Variants in MYO5B observed in about 807,000 individuals in gnomAD.
MYO5B encodes the protein myosin VB.
MYO5B carries 143 observed loss-of-function variants against 229.3 expected under a neutral mutation model. The ratio of observed to expected loss-of-function variants is 0.62; its 90% CI spans 0.54 to 0.72. The LOEUF is 0.72. MYO5B is among the 30% of genes least tolerant of loss of function. MYO5B has a pLI of 0.00. For missense variants in MYO5B, 2,321 were observed against 2,331.0 expected (o/e 1.00, Z 0.09); for synonymous variants, 918 against 885.2 (o/e 1.04, Z -0.66).
At chr18:49,920,139 G>A (rs182096103) in intron 17 of MYO5B, among the ~76,000 whole-genome samples, 23 of 152,298 alleles carry the variant, frequency 1.5e-4, no homozygotes, top group Non-Finnish European at 3.1e-4. Flanking sequence ...GTAGGTTAGC[G>A]CTTGCCAGGG....
At chr18:50,011,871 G>A (rs551248093) in intron 4 of MYO5B, among the ~76,000 whole-genome samples, 74 of 152,058 alleles carry the variant, frequency 4.9e-4, no homozygotes, top group African/African-American at 1.5e-3. Flanking sequence ...CCTGTAGTAC[G>A]GTGGGTATAG....
Position 49,897,341 on chromosome 18 carries a change from G to A in MYO5B, c.2812-2167C>T, listed in dbSNP as rs1272754188. ...AGACCTTCCAGTGGAACAAGATATG[G>A]AGGTGGAAGGCAGTGATACTGACGA... On this transcript the variant is annotated intron_variant, in intron 21 of 39. Transcript: ENST00000285039. Among the ~76,000 whole-genome samples the A allele has an allele frequency of 5.3e-5, 8 of 152,206 alleles. No individual in the cohort carries two copies. In the East Asian group the frequency reaches 1.5e-3, roughly 29 times the overall value.
rs560075014 is a variant in MYO5B, at chr18:49,906,606, G to A, written c.2227C>T (p.Arg743Cys). 34 of 1,614,014 alleles carry A rather than the reference G, an allele frequency of 2.1e-5. No homozygotes were observed. The highest frequency in any genetic ancestry group is 2.0e-4 in the South Asian group (18 of 91,072). ...CCTGCTCGAAAGAAGATCTTGGTGCGGCCAAACTGGAACTTGTCGGGGTCC... is the reference window on the plus strand; with the variant it reads ...CCTGCTCGAAAGAAGATCTTGGTGCAGCCAAACTGGAACTTGTCGGGGTCC... The part of the protein sequence containing the change: ...IKDPDKFQFG[R>C]TKIFFRAGQV... Residue 743 changes from arginine (R) to cysteine (C), a missense_variant, in exon 19 of 40, where the codon CGC becomes TGC. Arg to Cys is a radical substitution (Grantham distance 180). Around this residue, in one of 2 missense-constraint regions of MYO5B, gnomAD observed 2,113 missense variants for 2,044.7 expected, o/e 1.03. Coordinates refer to ENST00000285039, the MANE Select transcript of MYO5B (RefSeq NM_001080467.3).
chr18:49,911,833 T>A (rs1190554693), intron 18 of MYO5B, among the ~76,000 whole-genome samples: 1 of 152,120 alleles, frequency 6.6e-6, no homozygotes, highest in Non-Finnish European at 1.5e-5. Context: ...GCCACAGAAT[T>A]CCATTTTCTA....
intron 1 of MYO5B, among the ~76,000 whole-genome samples, chr18:50,137,614 A>G (rs2032354991): frequency 6.6e-6 from 1 of 152,206 alleles, no homozygotes. Context: ...CATTCAACTC[A>G]GCAATCCCAC....
At chr18:49,829,843 C>A (rs1488697875) in intron 39 of MYO5B, among the ~76,000 whole-genome samples, 1 of 152,056 alleles carries the variant, frequency 6.6e-6, no homozygotes, top group Non-Finnish European at 1.5e-5. Context: ...GAGGAAAAAA[C>A]CCACATCATC....
intron 1 of MYO5B, among the ~76,000 whole-genome samples, chr18:50,117,741 G>A (rs570970639): frequency 6.6e-6 from 1 of 152,208 alleles, no homozygotes; most frequent in South Asian, 2.1e-4. Context: ...TCCCAGCTTC[G>A]GCTCACAAAT....
Position 49,867,921 on chromosome 18 carries a change from C to T in MYO5B, c.3604-3541G>A, listed in dbSNP as rs530894825. Among the ~76,000 whole-genome samples, 5 of 152,274 alleles carry T rather than the reference C, an allele frequency of 3.3e-5. No individual in the cohort carries two copies. In the South Asian group the frequency reaches 1.0e-3, roughly 32 times the overall value. On this transcript the variant is annotated intron_variant, in intron 27 of 39. Coordinates refer to ENST00000285039, the MANE Select transcript of MYO5B (RefSeq NM_001080467.3). ...TTAATAAAATGGACAGTCCAGTTCTCTCTCAGAAAAAGCCTAGTTTCATCA... is the reference window on the plus strand; with the variant it reads ...TTAATAAAATGGACAGTCCAGTTCTTTCTCAGAAAAAGCCTAGTTTCATCA...
rs529710664 is a variant in MYO5B at position 50,009,327 on chromosome 18, G to A, written c.456-7916C>T. ...CGGGAGGCGGAGGTTGCAGTGAGCC[G>A]AGATTGCACCACTGCACTCCAGCCT... On this transcript the variant is annotated intron_variant, in intron 4 of 39. Transcript: ENST00000285039. Among the ~76,000 whole-genome samples, 14 of 152,264 alleles carry A rather than the reference G, an allele frequency of 9.2e-5. No homozygotes were observed. In the East Asian group the frequency reaches 2.1e-3, roughly 23 times the overall value.
At chr18:49,942,300 C>T (rs2025322747) in intron 14 of MYO5B, among the ~76,000 whole-genome samples, 1 of 147,912 alleles carries the variant, frequency 6.8e-6, no homozygotes, top group African/African-American at 2.5e-5. Context: ...GTCTAAAACA[C>T]CAAAAGCAAT....
intron 1 of MYO5B, among the ~76,000 whole-genome samples, chr18:50,093,382 C>T (rs2031489202): frequency 6.6e-6 from 1 of 152,150 alleles, no homozygotes. Flanking sequence ...GTAACACTAG[C>T]TTGAGGATGG....
intron 1 of MYO5B, among the ~76,000 whole-genome samples, chr18:50,081,247 A>T (rs894791438): frequency 6.6e-6 from 1 of 152,162 alleles, no homozygotes; most frequent in Non-Finnish European, 1.5e-5. Flanking sequence ...TCCTAAAGTC[A>T]CCAGAGGATT....
chr18:49,853,851 G>A (rs180977959), intron 30 of MYO5B, among the ~76,000 whole-genome samples: 16 of 152,258 alleles, frequency 1.1e-4, no homozygotes, highest in South Asian at 2.1e-4. Flanking sequence ...CAGATGATGG[G>A]AAACCAAGGC....
intron 10 of MYO5B, among the ~76,000 whole-genome samples, chr18:49,963,411 A>G: frequency 6.7e-6 from 1 of 148,476 alleles, no homozygotes; most frequent in East Asian, 1.9e-4. Context: ...TTAATTAATT[A>G]ATTAATTTAT....
At chr18:50,063,395 G>T (rs888855026) in intron 1 of MYO5B, among the ~76,000 whole-genome samples, 1 of 152,140 alleles carries the variant, frequency 6.6e-6, no homozygotes, top group Non-Finnish European at 1.5e-5. Context: ...TAAAAATTCA[G>T]GTATGATTTC....
intron 29 of MYO5B, among the ~76,000 whole-genome samples, chr18:49,858,225 T>A (rs1389917411): frequency 6.6e-6 from 1 of 152,156 alleles, no homozygotes; most frequent in African/African-American, 2.4e-5. Flanking sequence ...CTTTAACAAA[T>A]CCCAAACTCA....
At position 49,875,705 on chromosome 18, in the gene MYO5B, C is replaced by T; in HGVS notation, c.3519G>A (p.Gln1173=). 1 of 1,614,138 alleles carries T rather than the reference C, an allele frequency of 6.2e-7. No individual in the cohort carries two copies. Among genetic ancestry groups the T allele is most frequent in the Non-Finnish European group, 8.5e-7 (1 of 1,180,004 alleles). Residue 1173 remains glutamine (Q), a synonymous_variant, in exon 26 of 40, where the codon CAG becomes CAA. Coordinates refer to ENST00000285039, the MANE Select transcript of MYO5B (RefSeq NM_001080467.3). The part of the protein sequence containing the change: ...LQVQLEKREQ[Q]DSKKVQAEPP... Reference sequence around the variant, plus strand: ...CACGTACCTGGACTTTCTTGCTGTCCTGCTGTTCTCTCTTCTCCAGCTGCA... The same window carrying T: ...CACGTACCTGGACTTTCTTGCTGTCTTGCTGTTCTCTCTTCTCCAGCTGCA...
chr18:49,826,618 T>C lies in MYO5B; in HGVS notation c.5400A>G (p.Gln1800=). 6.2e-7 allele frequency: 1 copy of C among 1,613,140 alleles called. No individual in the cohort carries two copies. The highest frequency in any genetic ancestry group is 8.5e-7 in the Non-Finnish European group (1 of 1,179,856). The change falls in exon 40 of 40, where the codon CAA becomes CAG. Residue 1800 remains glutamine (Q), a synonymous_variant. Transcript: ENST00000285039. ...GCTGAGGGTCATTCCGCTCTTGTAGTTGTGCCTATGGGGAAGAATAAGACC... is the reference window on the plus strand; with the variant it reads ...GCTGAGGGTCATTCCGCTCTTGTAGCTGTGCCTATGGGGAAGAATAAGACC... ...TVAFIRTIQA[Q]LQERNDPQQL... is the part of the protein sequence containing the mutation.
intron 1 of MYO5B, among the ~76,000 whole-genome samples, chr18:50,058,103 T>C (rs2030596655): frequency 6.6e-6 from 1 of 152,172 alleles, no homozygotes; most frequent in Non-Finnish European, 1.5e-5. Context: ...ATAAATCAAG[T>C]TTCCTAGGAA....
Sources: gnomAD v4.1 joint callset for allele counts (sites outside exome capture counted in the v4.1 genomes callset) on GRCh38, gnomAD v4.1.1 for gene constraint, gnomAD v4.1.1 regional missense constraint, MANE v1.5 for transcripts, NCBI Gene and HGNC (gene_info 2026-07-23, HGNC 2026-07-21) for gene names.